Variants in ELOVL7 observed in about 807,000 individuals in gnomAD.
The protein encoded by ELOVL7 is very long chain fatty acid elongase 7.
Under a neutral mutation model 35.7 loss-of-function variants are expected in ELOVL7, and 27 were observed. The ratio of observed to expected loss-of-function variants is 0.76; its 90% CI spans 0.56 to 1.04. ELOVL7 has a LOEUF of 1.04. Among genes scored for constraint, ELOVL7 ranks in the 50% least tolerant of loss-of-function variants. The pLI is 0.00. For missense variants in ELOVL7, 327 were observed against 340.8 expected (o/e 0.96, Z 0.32); for synonymous variants, 113 against 114.6 (o/e 0.99, Z 0.09).
At chr5:60,794,140 A>C (rs75441257) in intron 2 of ELOVL7, among the ~76,000 whole-genome samples, 2,165 of 152,310 alleles carry the variant, frequency 0.014, 64 homozygotes, top group African/African-American at 0.049. Flanking sequence ...CCACGTCTGC[A>C]ACTGCCCCAT....
chr5:60,787,544 A>G, intron 2 of ELOVL7, 113 bp from the exon 3 acceptor site: 1 of 578,766 alleles, frequency 1.7e-6, no homozygotes, highest in East Asian at 3.5e-5. Context: ...AACTGGCAAG[A>G]CAACAAACTC....
At position 60,766,669 on chromosome 5, in the gene ELOVL7, T is replaced by C. The variant is rs369135000; in HGVS notation, c.337-39A>G. The C allele has an allele frequency of 2.4e-5, 38 of 1,570,760 alleles. 1 individual carries two copies. Among genetic ancestry groups the C allele is most frequent in the South Asian group, 1.7e-4 (15 of 86,736 alleles). ...AATAAATCTAAATTTATTTTGTATA[T>C]GGAAGAAAAGCTTATATTTTTAAAT... On this transcript the variant is annotated intron_variant, in intron 5 of 8. Coordinates refer to ENST00000508821, the MANE Select transcript of ELOVL7 (RefSeq NM_024930.3).
chr5:60,843,447 C>T (rs527515613), intron 1 of ELOVL7: 15 of 152,374 alleles, frequency 9.8e-5, no homozygotes, highest in African/African-American at 3.6e-4. Context: ...AACAGGCTTT[C>T]CTGTTTCCAT....
At chr5:60,827,754 G>C (rs545946553) in intron 1 of ELOVL7, among the ~76,000 whole-genome samples, 1 of 152,218 alleles carries the variant, frequency 6.6e-6, no homozygotes, top group East Asian at 1.9e-4. Flanking sequence ...GATTAATAGG[G>C]AATAGAAATA....
intron 1 of ELOVL7, among the ~76,000 whole-genome samples, chr5:60,839,762 G>A (rs1747050071): frequency 6.6e-6 from 1 of 152,032 alleles, no homozygotes; most frequent in Non-Finnish European, 1.5e-5. Context: ...CACTTTGGAA[G>A]GCTGAGGCAG....
intron 1 of ELOVL7, among the ~76,000 whole-genome samples, chr5:60,830,934 T>C (rs1375897345): frequency 6.6e-6 from 1 of 152,170 alleles, no homozygotes. Context: ...TGGTTCAGGA[T>C]GGATTTTGTT....
At chr5:60,807,652 G>A (rs1342955033) in intron 1 of ELOVL7, among the ~76,000 whole-genome samples, 2 of 152,010 alleles carry the variant, frequency 1.3e-5, no homozygotes, top group East Asian at 3.8e-4. Flanking sequence ...AGGAACAAAA[G>A]GAAATTCTCC....
intron 2 of ELOVL7, among the ~76,000 whole-genome samples, chr5:60,798,718 A>G (rs1416173771): frequency 6.6e-6 from 1 of 152,220 alleles, no homozygotes; most frequent in Non-Finnish European, 1.5e-5. Context: ...GCAAAGATTA[A>G]TAGATCTGAA....
intron 7 of ELOVL7, 59 bp from the exon 8 acceptor site, chr5:60,757,704 C>T (rs571347212): frequency 2.0e-5 from 28 of 1,402,344 alleles, no homozygotes; most frequent in Middle Eastern, 3.8e-4. Flanking sequence ...ACCACATTTT[C>T]ATCTGAACTG....
chr5:60,786,080 T>C (rs1043780664), intron 3 of ELOVL7: 3 of 152,202 alleles, frequency 2.0e-5, no homozygotes, highest in Non-Finnish European at 4.4e-5. Context: ...TGAGTATGTA[T>C]AGCTCAATAT....
chr5:60,837,166 T>G (rs1484259516), intron 1 of ELOVL7, among the ~76,000 whole-genome samples: 6 of 150,896 alleles, frequency 4.0e-5, no homozygotes, highest in South Asian at 4.2e-4. Context: ...GGGTGCAGTG[T>G]CTCACGCCTG....
In ELOVL7 at chr5:60,757,630, A is replaced by G; in HGVS notation, c.515T>C (p.Phe172Ser). The part of the protein sequence containing the change: ...VKFAAGGLGT[F>S]HALLNTAVHV... ...TACAGCTGTATTTAGAAGGGCATGG[A>G]ATGTTCCCAAACCACCTGGAAAATA... The change falls in exon 8 of 9, where the codon TTC becomes TCC. Residue 172 changes from phenylalanine to serine, a missense_variant. Coordinates refer to ENST00000508821, the MANE Select transcript of ELOVL7 (RefSeq NM_024930.3). 1 of 1,578,742 alleles carries G rather than the reference A, an allele frequency of 6.3e-7. No homozygotes were observed. The highest frequency in any genetic ancestry group is 8.6e-7 in the Non-Finnish European group (1 of 1,157,270).
chr5:60,760,139 T>C (rs980687219), intron 7 of ELOVL7, among the ~76,000 whole-genome samples: 8 of 152,228 alleles, frequency 5.3e-5, no homozygotes, highest in Admixed American at 6.5e-5. Flanking sequence ...TTTATAGTCC[T>C]TTGGGTACAT....
chr5:60,807,992 C>CAAAA (rs34086506), intron 1 of ELOVL7, among the ~76,000 whole-genome samples: 61 of 42,420 alleles, frequency 1.4e-3, no homozygotes, highest in Non-Finnish European at 2.3e-3. Flanking sequence ...GACTCCGTCT[C>CAAAA]AAAAAAAAAA....
At chr5:60,784,679 G>A (rs888432950) in intron 3 of ELOVL7, among the ~76,000 whole-genome samples, 2 of 152,078 alleles carry the variant, frequency 1.3e-5, no homozygotes, top group East Asian at 3.9e-4. Flanking sequence ...CATTTCCAGG[G>A]TAAGCAGACT....
In ELOVL7 at chr5:60,808,905, G is replaced by A. The variant is rs1018288929; in HGVS notation, c.-85-9675C>T. ...TATAAAATTCATCTATGAAATTCTGGAGAAAGCTAAACTATAAAGTTGGAG... is the reference window on the plus strand; with the variant it reads ...TATAAAATTCATCTATGAAATTCTGAAGAAAGCTAAACTATAAAGTTGGAG... On this transcript the variant is annotated intron_variant, in intron 1 of 8. Coordinates refer to ENST00000508821, the MANE Select transcript of ELOVL7 (RefSeq NM_024930.3). Among the ~76,000 whole-genome samples, 5 of 152,326 alleles carry A rather than the reference G, an allele frequency of 3.3e-5. No homozygotes were observed. In the South Asian group the frequency reaches 1.0e-3, roughly 32 times the overall value.
At chr5:60,830,644 T>G (rs1746431747) in intron 1 of ELOVL7, among the ~76,000 whole-genome samples, 1 of 151,688 alleles carries the variant, frequency 6.6e-6, no homozygotes, top group Non-Finnish European at 1.5e-5. Flanking sequence ...ACTATTCATT[T>G]TTCAATTTTA....
chr5:60,776,852 A>G (rs1447014191), intron 3 of ELOVL7, among the ~76,000 whole-genome samples: 2 of 152,228 alleles, frequency 1.3e-5, no homozygotes, highest in Non-Finnish European at 2.9e-5. Flanking sequence ...TTGCACGTGT[A>G]CCACCTGAAT....
At chr5:60,793,889 T>C (rs1744088278) in intron 2 of ELOVL7, among the ~76,000 whole-genome samples, 1 of 152,074 alleles carries the variant, frequency 6.6e-6, no homozygotes, top group Non-Finnish European at 1.5e-5. Context: ...CATTGAGAGG[T>C]TGAGAAGAAG....
Sources: allele counts gnomAD v4.1 joint callset (sites outside exome capture counted in the v4.1 genomes callset), GRCh38; gene constraint gnomAD v4.1.1; transcripts MANE v1.5; gene names NCBI Gene and HGNC (gene_info 2026-07-23, HGNC 2026-07-21).